The following F13A1 variants were observed in gnomAD, a reference collection of about 807,000 sequenced individuals.
The protein encoded by F13A1 is FSF, A subunit.
Under a neutral mutation model 80.1 loss-of-function variants are expected in F13A1, and 47 were observed. That is an observed-to-expected ratio of 0.59 (90% CI 0.46 to 0.75). The LOEUF (loss-of-function observed/expected upper bound fraction) is 0.75. F13A1 is among the 30% of genes least tolerant of loss of function. The pLI is 0.00. For missense variants in F13A1, 817 were observed against 930.4 expected (o/e 0.88, Z 1.59); for synonymous variants, 349 against 344.9 (o/e 1.01, Z -0.13).
chr6:6,205,148 CT>C (rs1761463324), intron 8 of F13A1, among the ~76,000 whole-genome samples: 1 of 152,208 alleles, frequency 6.6e-6, no homozygotes, highest in East Asian at 1.9e-4. Flanking sequence ...TGTGTTTATT[CT>C]TACTTGTCCT....
At position 6,235,211 on chromosome 6, in the gene F13A1, T is replaced by A. The variant is rs947541581; in HGVS notation, c.799-10351A>T. Among the ~76,000 whole-genome samples the A allele has an allele frequency of 2.4e-4, 37 of 152,042 alleles. 1 individual carries two copies. The highest frequency in any genetic ancestry group is 2.1e-3 in the Admixed American group (32 of 15,236). The stretch of plus-strand genomic sequence containing the variant: ...TAAAAGGAAGCAAAGGAGAAAATTG[T>A]GTGATCTTAGGTTAGGCAGTTTCCT... On this transcript the variant is annotated intron_variant, in intron 6 of 14. Transcript: ENST00000264870.
intron 3 of F13A1, among the ~76,000 whole-genome samples, chr6:6,289,555 A>G (rs528212626): frequency 3.9e-5 from 6 of 152,162 alleles, no homozygotes; most frequent in Non-Finnish European, 8.8e-5. Flanking sequence ...GCATCCATTT[A>G]TCCTATCATT....
intron 5 of F13A1, among the ~76,000 whole-genome samples, chr6:6,248,847 C>A (rs2113099394): frequency 6.6e-6 from 1 of 152,296 alleles, no homozygotes; most frequent in East Asian, 1.9e-4. Flanking sequence ...AAATAAAGAG[C>A]TCTCAGGTGT....
At chr6:6,318,863 A>C (rs1448797050) in intron 1 of F13A1, among the ~76,000 whole-genome samples, 181 bp from the exon 2 acceptor site, 2 of 152,206 alleles carry the variant, frequency 1.3e-5, no homozygotes, top group Non-Finnish European at 2.9e-5. Flanking sequence ...CTAATGATGG[A>C]ATACAGTTCC....
At position 6,212,334 on chromosome 6, in the gene F13A1, G is replaced by A. The variant is rs189759571; in HGVS notation, c.1112+9699C>T. Among the ~76,000 whole-genome samples, 26 of 152,168 alleles carry A rather than the reference G, an allele frequency of 1.7e-4. No homozygotes were observed. In the East Asian group the frequency reaches 4.6e-3, roughly 27 times the overall value. On this transcript the variant is annotated intron_variant, in intron 8 of 14. Transcript: ENST00000264870. ...TCCCAGCACACAGCTGGAGATCTGAGAAGGGGCAGACTGCCTCCTCAAGTG... is the reference window on the plus strand; with the variant it reads ...TCCCAGCACACAGCTGGAGATCTGAAAAGGGGCAGACTGCCTCCTCAAGTG...
chr6:6,270,412 C>T (rs1445290796), intron 3 of F13A1, among the ~76,000 whole-genome samples: 6 of 152,150 alleles, frequency 3.9e-5, no homozygotes, highest in Non-Finnish European at 8.8e-5. Context: ...GTGTTGAAAA[C>T]ATAGGAAGTT....
intron 12 of F13A1, among the ~76,000 whole-genome samples, chr6:6,172,924 G>T (rs1223797558): frequency 6.6e-6 from 1 of 152,214 alleles, no homozygotes; most frequent in Admixed American, 6.5e-5. Flanking sequence ...ACAAAATCCA[G>T]AGAGCTTGAG....
At chr6:6,160,127 A>C (rs1357379965) in intron 13 of F13A1, among the ~76,000 whole-genome samples, 1 of 151,304 alleles carries the variant, frequency 6.6e-6, no homozygotes, top group Admixed American at 6.6e-5. Flanking sequence ...AAATGCAAAA[A>C]TTATCTGGGC....
chr6:6,192,988 C>T (rs923016761), intron 10 of F13A1, among the ~76,000 whole-genome samples: 13 of 152,194 alleles, frequency 8.5e-5, no homozygotes, highest in African/African-American at 3.1e-4. Flanking sequence ...ACGCTTAGAA[C>T]AGCTCTCATC....
intron 12 of F13A1, 50 bp downstream of exon 12, chr6:6,174,530 C>G (rs1249729250): frequency 2.5e-6 from 4 of 1,600,316 alleles, no homozygotes; most frequent in Non-Finnish European, 3.4e-6. Context: ...CCTAGCAAGA[C>G]AGGGGCCAGA....
chr6:6,181,736 G>A (rs1423442790), intron 11 of F13A1, among the ~76,000 whole-genome samples: 1 of 152,132 alleles, frequency 6.6e-6, no homozygotes, highest in Non-Finnish European at 1.5e-5. Context: ...TGTTAAATTA[G>A]GTATGACTTT....
intron 13 of F13A1, among the ~76,000 whole-genome samples, chr6:6,154,551 C>G (rs72815073): frequency 0.078 from 11,901 of 152,250 alleles, 1,045 homozygotes; most frequent in African/African-American, 0.21. Context: ...AAAAGTGTCT[C>G]CAGCAATTGC....
chr6:6,306,692 G>T (rs912995264), intron 2 of F13A1, among the ~76,000 whole-genome samples: 1 of 152,250 alleles, frequency 6.6e-6, no homozygotes, highest in African/African-American at 2.4e-5. Context: ...GGTCGGCAGG[G>T]GTGCCCTGGC....
At chr6:6,236,927 G>T (rs563301561) in intron 6 of F13A1, among the ~76,000 whole-genome samples, 1 of 152,232 alleles carries the variant, frequency 6.6e-6, no homozygotes, top group East Asian at 1.9e-4. Flanking sequence ...CTACAGTGTG[G>T]TGGTGACCAG....
At chr6:6,294,209 A>G (rs1196822044) in intron 3 of F13A1, among the ~76,000 whole-genome samples, 2 of 152,156 alleles carry the variant, frequency 1.3e-5, no homozygotes, top group Non-Finnish European at 2.9e-5. Context: ...GCCAAAAGAG[A>G]TTAACATTTG....
chr6:6,246,975 G>A (rs1177392561), intron 6 of F13A1, among the ~76,000 whole-genome samples: 1 of 151,638 alleles, frequency 6.6e-6, no homozygotes, highest in African/African-American at 2.4e-5. Flanking sequence ...TCAGATGCAA[G>A]TCTAATATAT....
In F13A1 at chr6:6,202,930, A is replaced by C. The variant is rs1761423199; in HGVS notation, c.1113-5604T>G. On this transcript the variant is annotated intron_variant, in intron 8 of 14. Transcript: ENST00000264870. ...GCACCATCCCCTGCTGGGGGACCCT[A>C]CATGGGACGTCATAGTTTATGTTGT... Among the ~76,000 whole-genome samples, 4 of 152,252 alleles carry C rather than the reference A, an allele frequency of 2.6e-5. No homozygotes were observed. In the South Asian group the frequency reaches 8.3e-4, roughly 31 times the overall value.
chr6:6,220,435 G>T (rs558923115), intron 8 of F13A1, among the ~76,000 whole-genome samples: 2 of 152,302 alleles, frequency 1.3e-5, no homozygotes, highest in Admixed American at 6.5e-5. Context: ...TTTAGGGCCT[G>T]TGGGGTTATT....
intron 12 of F13A1, among the ~76,000 whole-genome samples, chr6:6,170,211 ACTT>A (rs1286246758): frequency 2.0e-5 from 3 of 152,170 alleles, no homozygotes; most frequent in Non-Finnish European, 2.9e-5. Context: ...TAATAAAATG[ACTT>A]CTTCTGACTA....
Sources: gnomAD v4.1 joint callset for allele counts (sites outside exome capture counted in the v4.1 genomes callset) on GRCh38, gnomAD v4.1.1 for gene constraint, MANE v1.5 for transcripts, NCBI Gene and HGNC (gene_info 2026-07-23, HGNC 2026-07-21) for gene names.